CMTR2: variants seen among roughly 807,000 people sequenced by gnomAD.
CMTR2 encodes the protein cap methyltransferase 2.
Under a neutral mutation model 49.8 loss-of-function variants are expected in CMTR2, and 40 were observed. That is an observed-to-expected ratio of 0.80 (90% CI 0.62 to 1.04). CMTR2 has a LOEUF of 1.04. Among genes scored for constraint, CMTR2 ranks in the 50% least tolerant of loss-of-function variants. The probability of loss-of-function intolerance (pLI) is 0.00; values close to 1 mark genes in which losing one functional copy is unlikely to be tolerated. For missense variants in CMTR2, 907 were observed against 897.2 expected (o/e 1.01, Z -0.14); for synonymous variants, 326 against 315.8 (o/e 1.03, Z -0.34).
chr16:71,286,444 CGT>C (rs1491414608), intron 2 of CMTR2: 72 of 145,600 alleles, frequency 4.9e-4, no homozygotes, highest in Non-Finnish European at 4.9e-4. Context: ...TGTGACTTTT[CGT>C]TTTTTTTTTT....
rs754120609 is a variant in CMTR2, at chr16:71,285,423, A to G, written c.498T>C (p.His166=). The G allele has an allele frequency of 3.7e-6, 6 of 1,614,158 alleles. No individual in the cohort carries two copies. Among genetic ancestry groups the G allele is most frequent in the South Asian group, 1.1e-5 (1 of 91,084 alleles). The stretch of plus-strand genomic sequence containing the variant: ...TCAGAGTATTCGCTACCCAACTCCA[A>G]TGACAAGGAAACCGATGGGATTTTA... ...HYLKSHRFPC[H]WSWVANTLNP... is the part of the protein sequence containing the mutation. The change falls in exon 3 of 3, where the codon CAT becomes CAC. Residue 166 remains histidine, a synonymous_variant. Coordinates refer to ENST00000434935, the MANE Select transcript of CMTR2 (RefSeq NM_018348.6).
chr16:71,284,369 T>G lies in CMTR2; in HGVS notation c.1552A>C (p.Thr518Pro). 1 of 1,613,254 alleles carries G rather than the reference T, an allele frequency of 6.2e-7. No homozygotes were observed. Among genetic ancestry groups the G allele is most frequent in the African/African-American group, 1.3e-5 (1 of 74,906 alleles). The change falls in exon 3 of 3, where the codon ACT (threonine) becomes CCT (proline). Residue 518 changes from threonine (T) to proline (P), a missense_variant. By Grantham distance (38) the Thr-to-Pro change is conservative. Coordinates refer to ENST00000434935, the MANE Select transcript of CMTR2 (RefSeq NM_018348.6). Reference protein sequence around the residue: ...SPFCNGEILKTLNEAIEKSLG... With the variant: ...SPFCNGEILKPLNEAIEKSLG... ...GACTTTTCAATTGCTTCATTAAGAGTTTTTAAAATTTCACCATTGCAAAAA... is the reference window on the plus strand; with the variant it reads ...GACTTTTCAATTGCTTCATTAAGAGGTTTTAAAATTTCACCATTGCAAAAA...
chr16:71,285,613 C>T lies in CMTR2; in HGVS notation c.308G>A (p.Arg103Lys). 1 of 1,614,130 alleles carries T rather than the reference C, an allele frequency of 6.2e-7. No homozygotes were observed. ...ACAAAGTTCAGCATTCACAGATTTT[C>T]TAACATGAGAAATGATTTTCCCCGC... The part of the protein sequence containing the change: ...NKAGKIISHV[R>K]KSVNAELCTQ... Residue 103 changes from arginine (R) to lysine (K), a missense_variant, in exon 3 of 3, where the codon AGA (arginine) becomes AAA (lysine). Coordinates refer to ENST00000434935, the MANE Select transcript of CMTR2 (RefSeq NM_018348.6).
intron 2 of CMTR2, chr16:71,286,528 C>G (rs1292940696): frequency 6.6e-6 from 1 of 151,940 alleles, no homozygotes; most frequent in Non-Finnish European, 1.5e-5. Context: ...GATCCTGCCA[C>G]AAGCCACTTA....
chr16:71,289,086 C>G (rs1016209359), intron 1 of CMTR2, 50 bp downstream of exon 1: 1 of 152,426 alleles, frequency 6.6e-6, no homozygotes, highest in Non-Finnish European at 1.5e-5. Context: ...CCTGGCTCAC[C>G]CGCTGGGAAG....
Position 71,284,269 on chromosome 16 carries a change from G to C in CMTR2, c.1652C>G (p.Ser551Cys). The C allele has an allele frequency of 6.2e-7, 1 of 1,613,966 alleles. No individual in the cohort carries two copies. Among genetic ancestry groups the C allele is most frequent in the South Asian group, 1.1e-5 (1 of 91,072 alleles). Residue 551 changes from serine (S) to cysteine (C), a missense_variant, in exon 3 of 3, where the codon TCT (serine) becomes TGT (cysteine). Ser to Cys is a moderately radical substitution (Grantham distance 112). Transcript: ENST00000434935. ...CAACTCGGAAAATATCAGTTCTTCA[G>C]AAAAAACATGACAAGAACAAGAATA... ...QQYSCSCHVF[S>C]EELIFSELCS...
Position 71,285,554 on chromosome 16 carries a change from A to C in CMTR2, c.367T>G (p.Cys123Gly). The change falls in exon 3 of 3, where the codon TGC (cysteine) becomes GGC (glycine). Residue 123 changes from cysteine (C) to glycine (G), a missense_variant. Coordinates refer to ENST00000434935, the MANE Select transcript of CMTR2 (RefSeq NM_018348.6). ...QAWCKFHEIL[C>G]SFPLIPQEAF... ...TCCTGTGGAATAAGTGGAAAGCTGC[A>C]CAAAATCTCATGGAACTTACACCAT... 2 of 1,614,062 alleles carry C rather than the reference A, an allele frequency of 1.2e-6. No individual in the cohort carries two copies. The highest frequency in any genetic ancestry group is 1.7e-6 in the Non-Finnish European group (2 of 1,179,972).
In CMTR2 at chr16:71,284,892, C is replaced by A. The variant is rs1489314880; in HGVS notation, c.1029G>T (p.Arg343Ser). 1.2e-6 allele frequency: 2 copies of A among 1,614,062 alleles called. No individual in the cohort carries two copies. Among genetic ancestry groups the A allele is most frequent in the Non-Finnish European group, 1.7e-6 (2 of 1,179,962 alleles). ...MTLNFGTEMK[R>S]KALFPHHVIP... is the part of the protein sequence containing the mutation. ...TCACATGATGGGGAAAAAGGGCTTT[C>A]CTTTTCATTTCAGTCCCAAAATTCA... The change falls in exon 3 of 3, where the codon AGG (arginine) becomes AGT (serine). Residue 343 changes from arginine to serine, a missense_variant. Physicochemically the swap from Arg to Ser is moderately radical, Grantham distance 110 (BLOSUM62 -1). Coordinates refer to ENST00000434935, the MANE Select transcript of CMTR2 (RefSeq NM_018348.6).
rs3803704 is a variant in CMTR2, at chr16:71,284,674, T to C, written c.1247A>G (p.Asn416Ser). 0.26 allele frequency: 419,821 copies of C among 1,611,990 alleles called. 58,040 individuals carry two copies. Among genetic ancestry groups the C allele is most frequent in the Admixed American group, 0.53 (31,587 of 59,758 alleles). Residue 416 changes from asparagine (N) to serine (S), a missense_variant, in exon 3 of 3, where the codon AAT (asparagine) becomes AGT (serine). Asn to Ser is a conservative substitution (Grantham distance 46). Coordinates refer to ENST00000434935, the MANE Select transcript of CMTR2 (RefSeq NM_018348.6). Reference protein sequence around the residue: ...QKFQLKHLSRNNWLVKKSSIG... With the variant: ...QKFQLKHLSRSNWLVKKSSIG... ...ACTAGATTTTTTTACTAGCCAATTA[T>C]TTCTGGAAAGATGTTTCAGTTGAAA...
chr16:71,285,713 G>A lies in CMTR2; in HGVS notation c.208C>T (p.Leu70=). 1 of 1,613,440 alleles carries A rather than the reference G, an allele frequency of 6.2e-7. No individual in the cohort carries two copies. The highest frequency in any genetic ancestry group is 8.5e-7 in the Non-Finnish European group (1 of 1,179,724). The change falls in exon 3 of 3, where the codon CTA becomes TTA. Residue 70 remains leucine (L), a synonymous_variant. Transcript: ENST00000434935. ...LNAFLDLKNS[L]NEVKNLLSDK... is the part of the protein sequence containing the mutation. Reference sequence around the variant, plus strand: ...CTCAGTAGGTTTTTTACTTCATTTAGGGAGTTCTTCAAATCAAGAAATGCA... The same window carrying A: ...CTCAGTAGGTTTTTTACTTCATTTAAGGAGTTCTTCAAATCAAGAAATGCA...
chr16:71,285,117 G>A lies in CMTR2; in HGVS notation c.804C>T (p.Asn268=), dbSNP rs755781989. ...EVVTALTTLG[N]GGSFVLKMFT... is the part of the protein sequence containing the mutation. ...ACATCTTTAGAACAAAAGAGCCACC[G>A]TTTCCAAGAGTGGTCAGAGCAGTGA... Residue 268 remains asparagine, a synonymous_variant, in exon 3 of 3, where the codon AAC becomes AAT. Coordinates refer to ENST00000434935, the MANE Select transcript of CMTR2 (RefSeq NM_018348.6). The A allele has an allele frequency of 2.9e-5, 46 of 1,613,958 alleles. No individual in the cohort carries two copies. The highest frequency in any genetic ancestry group is 5.0e-5 in the Admixed American group (3 of 60,002).
chr16:71,285,321 C>T lies in CMTR2; in HGVS notation c.600G>A (p.Trp200Ter). Residue 200 changes from tryptophan (W) to a stop codon, truncating the protein, a stop_gained, in exon 3 of 3, where the codon TGG becomes TGA. Transcript: ENST00000434935. LOFTEE classifies it high-confidence loss of function. Reference protein sequence around the residue: ...DRLIANTLHWWYFGPDNTGDI... With the variant: ...DRLIANTLHW ...CACCAGTGTTATCTGGACCAAAGTA[C>T]CACCAGTGCAAGGTATTTGCAATAA... 1 of 1,614,110 alleles carries T rather than the reference C, an allele frequency of 6.2e-7. No homozygotes were observed. Among genetic ancestry groups the T allele is most frequent in the Non-Finnish European group, 8.5e-7 (1 of 1,179,988 alleles).
At position 71,283,837 on chromosome 16, in the gene CMTR2, G is replaced by A; in HGVS notation, c.2084C>T (p.Pro695Leu). Reference protein sequence around the residue: ...VLLCVGYQDLPNPVFRYLQSV... With the variant: ...VLLCVGYQDLLNPVFRYLQSV... ...CTGCAAATATCGGAAAACTGGATTT[G>A]GAAGGTCCTGATAACCAACACATAG... The change falls in exon 3 of 3, where the codon CCA (proline) becomes CTA (leucine). Residue 695 changes from proline (P) to leucine (L), a missense_variant. By Grantham distance (98) the Pro-to-Leu change is moderately conservative. Transcript: ENST00000434935. The A allele has an allele frequency of 6.2e-7, 1 of 1,613,942 alleles. No homozygotes were observed. The highest frequency in any genetic ancestry group is 8.5e-7 in the Non-Finnish European group (1 of 1,179,938).
chr16:71,289,503 G>C (rs890539412), upstream of CMTR2: 4 of 152,222 alleles, frequency 2.6e-5, no homozygotes, highest in African/African-American at 7.2e-5. Context: ...CAGCTCCCTA[G>C]GTTTTGCTTC....
intron 2 of CMTR2, chr16:71,286,779 C>T (rs1456274425): frequency 6.6e-6 from 1 of 152,042 alleles, no homozygotes; most frequent in East Asian, 1.9e-4. Context: ...GACAGCTCCA[C>T]ACTTCCACCA....
intron 2 of CMTR2, chr16:71,286,445 G>A (rs34042017): frequency 2.1e-3 from 163 of 78,462 alleles, no homozygotes; most frequent in Non-Finnish European, 3.9e-3. Flanking sequence ...GTGACTTTTC[G>A]TTTTTTTTTT....
rs2041692149 is a variant in CMTR2, at chr16:71,285,008, T to C, written c.913A>G (p.Thr305Ala). 1 of 1,613,980 alleles carries C rather than the reference T, an allele frequency of 6.2e-7. No homozygotes were observed. The highest frequency in any genetic ancestry group is 8.5e-7 in the Non-Finnish European group (1 of 1,179,950). The stretch of plus-strand genomic sequence containing the variant: ...ACTTCGGAGTTTCCTGCCTTGCTAG[T>C]AGCAGGTTTGAAAACATGGACTTGG... ...FDQVHVFKPATSKAGNSEVYV... is the reference protein window; with the variant it reads ...FDQVHVFKPAASKAGNSEVYV... The change falls in exon 3 of 3, where the codon ACT (threonine) becomes GCT (alanine). Residue 305 changes from threonine (T) to alanine (A), a missense_variant. Physicochemically the swap from Thr to Ala is moderately conservative, Grantham distance 58 (BLOSUM62 0). Transcript: ENST00000434935.
Position 71,284,573 on chromosome 16 carries a change from G to T in CMTR2, c.1348C>A (p.Leu450Ile). Residue 450 changes from leucine (L) to isoleucine (I), a missense_variant, in exon 3 of 3, where the codon CTA (leucine) becomes ATA (isoleucine). Coordinates refer to ENST00000434935, the MANE Select transcript of CMTR2 (RefSeq NM_018348.6). Reference sequence around the variant, plus strand: ...TTATCTTTCCATGAAAGGGCTTCTAGCATCTTCCTTTCATTATAAGTTTTA... The same window carrying T: ...TTATCTTTCCATGAAAGGGCTTCTATCATCTTCCTTTCATTATAAGTTTTA... Reference protein sequence around the residue: ...YFKTYNERKMLEALSWKDKVA... With the variant: ...YFKTYNERKMIEALSWKDKVA... 1.2e-6 allele frequency: 2 copies of T among 1,613,662 alleles called. No homozygotes were observed. Among genetic ancestry groups the T allele is most frequent in the Middle Eastern group, 1.6e-4 (1 of 6,062 alleles).
Position 71,283,685 on chromosome 16 carries a change from T to C in CMTR2, c.2236A>G (p.Ile746Val), listed in dbSNP as rs770691845. The change falls in exon 3 of 3, where the codon ATT (isoleucine) becomes GTT (valine). Residue 746 changes from isoleucine to valine, a missense_variant. By Grantham distance (29) the Ile-to-Val change is conservative. Coordinates refer to ENST00000434935, the MANE Select transcript of CMTR2 (RefSeq NM_018348.6). ...LDFLWDLNAA[I>V]AKRHLHFIIQ... ...ATGAAATGCAAATGCCTTTTAGCAA[T>C]GGCAGCATTCAAATCCCACAAAAAA... 5 of 1,613,736 alleles carry C rather than the reference T, an allele frequency of 3.1e-6. No individual in the cohort carries two copies. In the Admixed American group the frequency reaches 5.0e-5, roughly 16 times the overall value.
Sources: allele counts gnomAD v4.1 joint callset, GRCh38; gene constraint gnomAD v4.1.1; transcripts MANE v1.5; gene names NCBI Gene and HGNC (gene_info 2026-07-23, HGNC 2026-07-21).